The following THOP1 variants were observed in gnomAD, a reference collection of about 807,000 sequenced individuals.
The protein encoded by THOP1 is thimet oligopeptidase 1, also known as thimet oligopeptidase.
In THOP1, 49 loss-of-function variants were observed where a neutral mutation model predicts 71.8. The observed-to-expected ratio is 0.68, with a 90% CI of 0.54 to 0.87. The LOEUF is 0.87. THOP1 is among the 40% of genes least tolerant of loss of function. THOP1 has a pLI of 0.00. For synonymous variants in THOP1, 426 were observed against 421.5 expected (o/e 1.01, Z -0.13); for missense variants, 843 against 975.6 (o/e 0.86, Z 1.81).
intron 9 of THOP1, among the ~76,000 whole-genome samples, chr19:2,809,075 T>C (rs1367438304): frequency 6.6e-6 from 1 of 152,236 alleles, no homozygotes; most frequent in African/African-American, 2.4e-5. Flanking sequence ...AGAAAGGCTC[T>C]GTCCTATGAA....
In THOP1 at chr19:2,811,405, C is replaced by T. The variant is rs557635856; in HGVS notation, c.1772-193C>T. Among the ~76,000 whole-genome samples the T allele has an allele frequency of 1.9e-4, 29 of 152,252 alleles. No homozygotes were observed. In the South Asian group the frequency reaches 3.3e-3, roughly 17 times the overall value. ...GCTCCTGTCCTTCCAGGAGAGGGGG[C>T]GGAGACTTGTGGCCCTCGCTTTGTG... On this transcript the variant is annotated intron_variant, in intron 11 of 12. Coordinates refer to ENST00000307741, the MANE Select transcript of THOP1 (RefSeq NM_003249.5).
chr19:2,809,895 A>T, intron 9 of THOP1: 1 of 191,570 alleles, frequency 5.2e-6, no homozygotes, highest in East Asian at 1.4e-4. Context: ...AGCGGGACTC[A>T]GTCAAGGGCT....
At position 2,813,100 on chromosome 19, in the gene THOP1, C is replaced by T. The variant is rs775449919; in HGVS notation, c.1909-15C>T. On this transcript the variant is annotated splice_polypyrimidine_tract_variant and intron_variant, in intron 12 of 12. Transcript: ENST00000307741. ...TGGGTCCCCACCCGGCCACAGTGCC[C>T]TGTCTCCTCGGCAGGTTGGCATGGA... 10 of 1,602,216 alleles carry T rather than the reference C, an allele frequency of 6.2e-6. 1 individual carries two copies. In the African/African-American group the frequency reaches 9.4e-5, roughly 15 times the overall value.
At chr19:2,786,348 C>G (rs1251130141) in intron 1 of THOP1, among the ~76,000 whole-genome samples, 1 of 152,178 alleles carries the variant, frequency 6.6e-6, no homozygotes, top group African/African-American at 2.4e-5. Flanking sequence ...TGGACTCAGT[C>G]AATCCTCCCG....
chr19:2,798,638 G>A (rs1439491217), intron 4 of THOP1, among the ~76,000 whole-genome samples: 1 of 152,270 alleles, frequency 6.6e-6, no homozygotes, highest in African/African-American at 2.4e-5. Context: ...CATGGGGCCT[G>A]TTCCCAGGAG....
chr19:2,786,555 G>A (rs1915747077), intron 1 of THOP1, among the ~76,000 whole-genome samples: 1 of 151,640 alleles, frequency 6.6e-6, no homozygotes, highest in African/African-American at 2.4e-5. Flanking sequence ...TTTTAATTTA[G>A]AGGCAAAGGG....
chr19:2,793,855 A>G (rs759235633), intron 2 of THOP1, among the ~76,000 whole-genome samples: 2 of 152,004 alleles, frequency 1.3e-5, no homozygotes, highest in African/African-American at 2.4e-5. Context: ...TTGTCAGTCC[A>G]TTCACTCGTG....
intron 1 of THOP1, among the ~76,000 whole-genome samples, chr19:2,786,764 A>ACTTTTTTTTTT (rs1915751736): frequency 1.4e-5 from 1 of 72,506 alleles, no homozygotes; most frequent in Non-Finnish European, 2.4e-5. Context: ...ACACCTGGCT[A>ACTTTTTTTTTT]ATTTTTTTTT....
At position 2,785,676 on chromosome 19, in the gene THOP1, C is replaced by A; in HGVS notation, c.14C>A (p.Ala5Glu). 1 of 1,490,692 alleles carries A rather than the reference C, an allele frequency of 6.7e-7. No individual in the cohort carries two copies. The highest frequency in any genetic ancestry group is 2.3e-5 in the Admixed American group (1 of 44,296). 92.3% of individuals were successfully genotyped at this position (1,490,692 alleles called of 1,614,324 possible). The stretch of plus-strand genomic sequence containing the variant: ...GACCCACCCGCCATGAAGCCCCCCG[C>A]AGGTACCGACTACCCCGCTCGCCGG... Reference protein sequence around the residue: MKPPAACAGDMADAA... With the variant: MKPPEACAGDMADAA... The change falls in exon 1 of 13, where the codon GCA becomes GAA. Residue 5 changes from alanine to glutamate, a missense_variant and splice_region_variant. Coordinates refer to ENST00000307741, the MANE Select transcript of THOP1 (RefSeq NM_003249.5).
At chr19:2,811,469 C>A in intron 11 of THOP1, 129 bp from the exon 12 acceptor site, 1 of 1,306,884 alleles carries the variant, frequency 7.7e-7, no homozygotes, top group Non-Finnish European at 1.0e-6. Context: ...TGGTCTCGGC[C>A]CTCACCGTGA....
intron 2 of THOP1, 91 bp downstream of exon 2, chr19:2,790,724 A>G: frequency 2.4e-6 from 3 of 1,249,376 alleles, no homozygotes; most frequent in Non-Finnish European, 3.2e-6. Flanking sequence ...GAGCCGGTTC[A>G]GAACCTGGCT....
At chr19:2,812,091 C>A in intron 12 of THOP1, 3 of 1,330,502 alleles carry the variant, frequency 2.3e-6, no homozygotes, top group Non-Finnish European at 3.0e-6. Flanking sequence ...TCTTCCCATA[C>A]GAGTCCTTCC....
chr19:2,802,746 G>A (rs1011744572), intron 5 of THOP1, among the ~76,000 whole-genome samples: 3 of 152,178 alleles, frequency 2.0e-5, no homozygotes, highest in Admixed American at 6.5e-5. Context: ...GACTTCTGCC[G>A]CCCTCACCCT....
In THOP1 at chr19:2,797,018, G is replaced by C. The variant is rs188140674; in HGVS notation, c.486+830G>C. Among the ~76,000 whole-genome samples, 5 of 152,322 alleles carry C rather than the reference G, an allele frequency of 3.3e-5. No individual in the cohort carries two copies. The East Asian group carries it at 7.7e-4, about 24-fold the overall frequency. On this transcript the variant is annotated intron_variant, in intron 4 of 12. Transcript: ENST00000307741. The stretch of plus-strand genomic sequence containing the variant: ...AACAGAGCAGTGGCGACCGCCACTG[G>C]AAAGATGCGTGTCACAGTTCCCAGG...
In THOP1 at chr19:2,801,782, G is replaced by T. The variant is rs1568322510; in HGVS notation, c.589+1991G>T. On this transcript the variant is annotated intron_variant, in intron 5 of 12. Coordinates refer to ENST00000307741, the MANE Select transcript of THOP1 (RefSeq NM_003249.5). This position sits in a 1 kb window ranked among gnomAD's most constrained non-coding sequence, Gnocchi z 5.1. ...GGGTGTCACATGGCAAGGGGAGGGG[G>T]CTAAGCGAGCCGGTTCCACCCAGGT... Among the ~76,000 whole-genome samples the T allele has an allele frequency of 1.3e-5, 2 of 152,018 alleles. No homozygotes were observed. The highest frequency in any genetic ancestry group is 6.5e-5 in the Admixed American group (1 of 15,270).
chr19:2,805,646 G>A lies in THOP1; in HGVS notation c.750+470G>A, dbSNP rs1033240959. On this transcript the variant is annotated intron_variant, in intron 6 of 12. Coordinates refer to ENST00000307741, the MANE Select transcript of THOP1 (RefSeq NM_003249.5). The surrounding 1 kb of genome is among the most constrained non-coding windows in gnomAD (Gnocchi z 6.6). ...ACATGTAACTGTCCACGGCGCCATG[G>A]TGTGGTCGGTCAGGTGGTCTCTGCA... 3.7e-4 allele frequency among the ~76,000 whole-genome samples: 57 copies of A among 152,274 alleles called. No homozygotes were observed. The highest frequency in any genetic ancestry group is 1.3e-3 in the African/African-American group (54 of 41,540).
chr19:2,785,816 G>C, intron 1 of THOP1, 138 bp downstream of exon 1: 1 of 723,216 alleles, frequency 1.4e-6, no homozygotes, highest in Non-Finnish European at 2.0e-6. Flanking sequence ...CGGGGGAGGT[G>C]GACGACCCTG....
intron 7 of THOP1, 106 bp from the exon 8 acceptor site, chr19:2,807,336 C>G: frequency 6.9e-7 from 1 of 1,443,074 alleles, no homozygotes; most frequent in Non-Finnish European, 9.1e-7. Context: ...TGCGGGTCCT[C>G]CCTTCCAAAT....
intron 12 of THOP1, chr19:2,812,468 C>T (rs1271033762): frequency 1.5e-6 from 2 of 1,351,340 alleles, no homozygotes; most frequent in Non-Finnish European, 1.9e-6. Context: ...AGCCCCCTGT[C>T]TTCACAGCCC....
Sources: gnomAD v4.1 joint callset for allele counts (sites outside exome capture counted in the v4.1 genomes callset) on GRCh38, gnomAD v4.1.1 for gene constraint, Gnocchi (gnomAD v3.1) non-coding constraint, MANE v1.5 for transcripts, NCBI Gene and HGNC (gene_info 2026-07-23, HGNC 2026-07-21) for gene names.